The following NSUN5 variants were observed in gnomAD, a reference collection of about 807,000 sequenced individuals.
NSUN5 encodes NOP2/Sun RNA methyltransferase 5.
NSUN5 carries 39 observed loss-of-function variants against 51.1 expected under a neutral mutation model. The ratio of observed to expected loss-of-function variants is 0.76; its 90% CI spans 0.59 to 1.00. The LOEUF is 1.00. Ranked by LOEUF, NSUN5 falls within the 50% of genes least tolerant of loss-of-function variation. The probability of loss-of-function intolerance (pLI) is 0.00; values close to 1 mark genes in which losing one functional copy is unlikely to be tolerated. For synonymous variants in NSUN5, 266 were observed against 271.5 expected (o/e 0.98, Z 0.20); for missense variants, 526 against 614.0 (o/e 0.86, Z 1.51).
Position 73,303,140 on chromosome 7 carries a change from T to C in NSUN5, c.*275A>G. The C allele has an allele frequency of 1.4e-6, 2 of 1,441,004 alleles. No individual in the cohort carries two copies. Among genetic ancestry groups the C allele is most frequent in the Non-Finnish European group, 1.8e-6 (2 of 1,101,144 alleles). The allele number at this position is 1,441,004 out of a possible 1,614,324, so 89.3% of individuals were successfully genotyped here. ...CTTTCCATTACAAATAGAGACTTCA[T>C]TCCTGTTGAGTCTAGTTGGAACTTT... is the stretch of plus-strand genomic sequence containing the variant. On this transcript the variant is annotated 3_prime_UTR_variant, in exon 10 of 10. Transcript: ENST00000438747.
Position 73,308,663 on chromosome 7 carries a change from TC to T in NSUN5, c.93+34del, listed in dbSNP as rs1554542351. 4.1e-6 allele frequency: 4 copies of T among 980,702 alleles called. No homozygotes were observed. In the East Asian group the frequency reaches 1.5e-4, roughly 38 times the overall value. 60.8% of individuals were successfully genotyped at this position (980,702 alleles called of 1,614,324 possible). On this transcript the variant is annotated intron_variant, in intron 1 of 9. Coordinates refer to ENST00000438747, the MANE Select transcript of NSUN5 (RefSeq NM_148956.4). ...TCCGACCCCACCCCGGGTTCCTCAC[TC>T]CCCACCCCTACTACTCGCGCCCAGG... is the stretch of plus-strand genomic sequence containing the variant.
chr7:73,304,147 GAAGT>G (rs1803935257), intron 7 of NSUN5, 79 bp downstream of exon 7: 10 of 1,556,282 alleles, frequency 6.4e-6, no homozygotes, highest in Non-Finnish European at 8.7e-6. Context: ...ATTAGTGTCA[GAAGT>G]AAGACCAAAA....
chr7:73,303,936 T>C lies in NSUN5; in HGVS notation c.1035A>G (p.Ala345=), dbSNP rs11544043. The change falls in exon 8 of 10, where the codon GCA becomes GCG. Residue 345 remains alanine (A), a synonymous_variant. Transcript: ENST00000438747. ...GCCGCTGCAGGGAAGGGAAAGTGAG[T>C]GCGTGGCACAGGGCTCGCTGCTGGA... ...AGFQQRALCH[A]LTFPSLQRLV... The C allele has an allele frequency of 0.76, 1,223,987 of 1,613,296 alleles. 465,572 individuals carry two copies. The highest frequency in any genetic ancestry group is 0.77 in the South Asian group (70,123 of 91,046).
chr7:73,303,416 T>A lies in NSUN5; in HGVS notation c.1400A>T (p.Ter467LeuextTer48). 1 of 1,614,124 alleles carries A rather than the reference T, an allele frequency of 6.2e-7. No homozygotes were observed. Among genetic ancestry groups the A allele is most frequent in the South Asian group, 1.1e-5 (1 of 91,084 alleles). ...GAAGGAGTCAGCCCGGAGCCTCTGC[T>A]ATGTGCAAGGCGGTGTGCAAGCACC... Reference protein sequence around the residue: ...AAGACTPPCT* With the variant: ...AAGACTPPCTL The change falls in exon 10 of 10, where the codon TAG becomes TTG. Residue 467 changes from the stop codon to leucine (L), a stop_lost. Transcript: ENST00000438747.
At chr7:73,306,696 A>T (rs1804054120) in intron 4 of NSUN5, among the ~76,000 whole-genome samples, 1 of 152,144 alleles carries the variant, frequency 6.6e-6, no homozygotes, top group Non-Finnish European at 1.5e-5. Flanking sequence ...CATGGCCAAC[A>T]TGGTGAAACC....
chr7:73,307,300 C>T (rs782336357), intron 4 of NSUN5, 94 bp downstream of exon 4: 1 of 892,042 alleles, frequency 1.1e-6, no homozygotes, highest in Non-Finnish European at 1.8e-6. Flanking sequence ...AGGAAGAAAG[C>T]CCAGAGAGCA....
In NSUN5 at chr7:73,303,061, G is replaced by C; in HGVS notation, c.*354C>G. 1 of 1,361,490 alleles carries C rather than the reference G, an allele frequency of 7.3e-7. No homozygotes were observed. The highest frequency in any genetic ancestry group is 9.5e-7 in the Non-Finnish European group (1 of 1,055,632). 84.3% of individuals were successfully genotyped at this position (1,361,490 alleles called of 1,614,324 possible). ...CAGCCGGTCCGGGAACCCTGAGTGA[G>C]TGTGAGTGTGGATGTGTACAGTACA... On this transcript the variant is annotated 3_prime_UTR_variant, in exon 10 of 10. Transcript: ENST00000438747.
intron 5 of NSUN5, 31 bp from the exon 6 acceptor site, chr7:73,304,893 C>CA: frequency 6.2e-7 from 1 of 1,613,632 alleles, no homozygotes; most frequent in Non-Finnish European, 8.5e-7. Context: ...GCCAGGTAAA[C>CA]AGAGACCCCA....
At position 73,303,448 on chromosome 7, in the gene NSUN5, G is replaced by A. The variant is rs200664360; in HGVS notation, c.1368C>T (p.Ala456=). 227 of 1,614,154 alleles carry A rather than the reference G, an allele frequency of 1.4e-4. No individual in the cohort carries two copies. Among genetic ancestry groups the A allele is most frequent in the Middle Eastern group, 3.3e-4 (2 of 6,062 alleles). Residue 456 remains alanine (A), a synonymous_variant, in exon 10 of 10, where the codon GCC becomes GCT. Transcript: ENST00000438747. The stretch of plus-strand genomic sequence containing the variant: ...AAGGCGGTGTGCAAGCACCGGCTGC[G>A]GCTCTTTGCTGTCTCTTCTTTCTCT... ...APKRKKRQQR[A]AAGACTPPCT
intron 9 of NSUN5, 30 bp downstream of exon 9, chr7:73,303,570 C>A: frequency 1.2e-6 from 2 of 1,613,942 alleles, no homozygotes; most frequent in East Asian, 2.2e-5. Flanking sequence ...TGCCATCCTG[C>A]GCCTCCCAAG....
At chr7:73,303,772 G>T (rs1413412968) in intron 8 of NSUN5, 32 bp from the exon 9 acceptor site, 11 of 1,613,840 alleles carry the variant, frequency 6.8e-6, no homozygotes, top group Non-Finnish European at 8.5e-6. Flanking sequence ...TGCTGGGTAA[G>T]AGAGCAGCTC....
chr7:73,304,877 A>G lies in NSUN5; in HGVS notation c.640-15T>C, dbSNP rs184715260. On this transcript the variant is annotated splice_polypyrimidine_tract_variant and intron_variant, in intron 5 of 9. Coordinates refer to ENST00000438747, the MANE Select transcript of NSUN5 (RefSeq NM_148956.4). ...AGACAGCTGGCCTGGCAGGCAGAGC[A>G]CAGGAGCCAGGTAAACAGAGACCCC... The G allele has an allele frequency of 9.1e-5, 147 of 1,613,894 alleles. 1 individual carries two copies. In the African/African-American group the frequency reaches 1.7e-3, roughly 19 times the overall value.
In NSUN5 at chr7:73,304,305, G is replaced by A; in HGVS notation, c.859C>T (p.Leu287=). 6.2e-7 allele frequency: 1 copy of A among 1,614,196 alleles called. No individual in the cohort carries two copies. Among genetic ancestry groups the A allele is most frequent in the Non-Finnish European group, 8.5e-7 (1 of 1,180,024 alleles). Residue 287 remains leucine (L), a synonymous_variant, in exon 7 of 10, where the codon CTG becomes TTG. Coordinates refer to ENST00000438747, the MANE Select transcript of NSUN5 (RefSeq NM_148956.4). ...SCCELAEEDF[L]AVSPSDPRYH... ...CGTGGATCCGAGGGGGAGACCGCCA[G>A]GAAGTCCTCCTCAGCCAGTTCACAG...
Position 73,307,701 on chromosome 7 carries a change from C to T in NSUN5, c.273G>A (p.Trp91Ter), listed in dbSNP as rs782268857. ...CCTGGTGCCGGCCCAACAGAGCCTT[C>T]CATCGGCCCCCACCCCCTCGAAAGC... ...GKGFRGGGGRWKALLGRHQAR... is the reference protein window; with the variant it reads ...GKGFRGGGGR The change falls in exon 3 of 10, where the codon TGG becomes TGA. Residue 91 changes from tryptophan (W) to a stop codon, truncating the protein, a stop_gained. Transcript: ENST00000438747. LOFTEE classifies it high-confidence loss of function. The T allele has an allele frequency of 6.2e-7, 1 of 1,601,380 alleles. No homozygotes were observed. Among genetic ancestry groups the T allele is most frequent in the Non-Finnish European group, 8.5e-7 (1 of 1,174,076 alleles).
Position 73,306,651 on chromosome 7 carries a change from G to T in NSUN5, c.500+743C>A, listed in dbSNP as rs186324763. On this transcript the variant is annotated intron_variant, in intron 4 of 9. Transcript: ENST00000438747. ...TCCGAGCACTTTGGGAGACCAAGGCGGGCAGATCACCTGAGTTCAGGAGTT... is the reference window on the plus strand; with the variant it reads ...TCCGAGCACTTTGGGAGACCAAGGCTGGCAGATCACCTGAGTTCAGGAGTT... 2.0e-5 allele frequency among the ~76,000 whole-genome samples: 3 copies of T among 152,110 alleles called. No homozygotes were observed. In the East Asian group the frequency reaches 5.8e-4, roughly 29 times the overall value.
At position 73,304,831 on chromosome 7, in the gene NSUN5, G is replaced by A; in HGVS notation, c.671C>T (p.Pro224Leu). 6.2e-7 allele frequency: 1 copy of A among 1,613,908 alleles called. No homozygotes were observed. Among genetic ancestry groups the A allele is most frequent in the South Asian group, 1.1e-5 (1 of 91,070 alleles). Residue 224 changes from proline (P) to leucine (L), a missense_variant, in exon 6 of 10, where the codon CCC becomes CTC. By Grantham distance (98) the Pro-to-Leu change is moderately conservative. Coordinates refer to ENST00000438747, the MANE Select transcript of NSUN5 (RefSeq NM_148956.4). ...ATCGATGACATGGGAGCCTGGCGGGGGGTCCAGCAGCATGGCTGGGAGACA... is the reference window on the plus strand; with the variant it reads ...ATCGATGACATGGGAGCCTGGCGGGAGGTCCAGCAGCATGGCTGGGAGACA... ...ASCLPAMLLDPPPGSHVIDAC... is the reference protein window; with the variant it reads ...ASCLPAMLLDLPPGSHVIDAC...
rs1803954899 is a variant in NSUN5 at position 73,304,544 on chromosome 7, A to T, written c.756-136T>A. The T allele has an allele frequency of 7.3e-6, 7 of 964,276 alleles. No homozygotes were observed. The South Asian group carries it at 8.1e-5, about 11-fold the overall frequency. 59.7% of individuals were successfully genotyped at this position (964,276 alleles called of 1,614,324 possible). A position where few individuals can be genotyped will look rare whatever the true frequency, so the allele number is the denominator to read the frequency against. On this transcript the variant is annotated intron_variant, in intron 6 of 9. Transcript: ENST00000438747. The stretch of plus-strand genomic sequence containing the variant: ...TTTAAAGGGCTCACAGTCAGAGGTA[A>T]CTGGCCTGGGGTCTCTGCCCCAAGG...
At position 73,303,952 on chromosome 7, in the gene NSUN5, C is replaced by T. The variant is rs782148643; in HGVS notation, c.1019G>A (p.Arg340Gln). The stretch of plus-strand genomic sequence containing the variant: ...GAAAGTGAGTGCGTGGCACAGGGCT[C>T]GCTGCTGGAACCCTGCCAGGGCATG... ...RLHALAGFQQ[R>Q]ALCHALTFPS... The change falls in exon 8 of 10, where the codon CGA (arginine) becomes CAA (glutamine). Residue 340 changes from arginine to glutamine, a missense_variant. Physicochemically the swap from Arg to Gln is conservative, Grantham distance 43. Transcript: ENST00000438747. 31 of 1,613,944 alleles carry T rather than the reference C, an allele frequency of 1.9e-5. No homozygotes were observed. Among genetic ancestry groups the T allele is most frequent in the Admixed American group, 6.7e-5 (4 of 59,986 alleles).
Position 73,303,661 on chromosome 7 carries a change from G to A in NSUN5, c.1225C>T (p.Pro409Ser). Residue 409 changes from proline (P) to serine (S), a missense_variant, in exon 9 of 10, where the codon CCT becomes TCT. By Grantham distance (74) the Pro-to-Ser change is moderately conservative. Coordinates refer to ENST00000438747, the MANE Select transcript of NSUN5 (RefSeq NM_148956.4). ...AAGCCACTGCTGAGTGTGGTCTCAG[G>A]GGAGGCCCGGAGGCAGTGCTCGGCA... ...PGAEHCLRAS[P>S]ETTLSSGFFV... 1 of 1,614,176 alleles carries A rather than the reference G, an allele frequency of 6.2e-7. No individual in the cohort carries two copies. Among genetic ancestry groups the A allele is most frequent in the Non-Finnish European group, 8.5e-7 (1 of 1,180,024 alleles).
Sources: gnomAD v4.1 joint callset for allele counts (sites outside exome capture counted in the v4.1 genomes callset) on GRCh38, gnomAD v4.1.1 for gene constraint, MANE v1.5 for transcripts, NCBI Gene and HGNC (gene_info 2026-07-23, HGNC 2026-07-21) for gene names.